The following PEX14 variants were observed in gnomAD, a reference collection of about 807,000 sequenced individuals.
PEX14 encodes the protein peroxisomal biogenesis factor 14.
In PEX14, 15 loss-of-function variants were observed where a neutral mutation model predicts 49.5. The ratio of observed to expected loss-of-function variants is 0.30; its 90% CI spans 0.20 to 0.47. The LOEUF is 0.47. PEX14 is among the 20% of genes least tolerant of loss of function. The probability of loss-of-function intolerance (pLI) is 1.00; values close to 1 mark genes in which losing one functional copy is unlikely to be tolerated. For synonymous variants in PEX14, 210 were observed against 212.7 expected (o/e 0.99, Z 0.11); for missense variants, 398 against 494.8 (o/e 0.80, Z 1.86).
chr1:10,537,401 GC>G (rs1352961357), intron 3 of PEX14, among the ~76,000 whole-genome samples: 1 of 141,386 alleles, frequency 7.1e-6, no homozygotes, highest in East Asian at 2.1e-4. Context: ...GGCTGGCCTC[GC>G]CACTCCGCAA....
chr1:10,486,128 C>T (rs1426815113), intron 1 of PEX14, among the ~76,000 whole-genome samples: 1 of 152,038 alleles, frequency 6.6e-6, no homozygotes, highest in Non-Finnish European at 1.5e-5. Context: ...ATAAAGACAG[C>T]TTTACTTCTT....
rs994349608 is a variant in PEX14 at position 10,568,329 on chromosome 1, C to T, written c.170-30909C>T. Among the ~76,000 whole-genome samples, 46 of 136,300 alleles carry T rather than the reference C, an allele frequency of 3.4e-4. 1 individual carries two copies. Among genetic ancestry groups the T allele is most frequent in the Middle Eastern group, 3.7e-3 (1 of 268 alleles). 89.4% of individuals were successfully genotyped at this position (136,300 alleles called of 152,430 possible). A position where few individuals can be genotyped will look rare whatever the true frequency, so the allele number is the denominator to read the frequency against. ...ATACACAAGTAGATACTCTTCCCCCCCCCCCCCCCACTCCCACTAACAGAT... is the reference window on the plus strand; with the variant it reads ...ATACACAAGTAGATACTCTTCCCCCTCCCCCCCCCACTCCCACTAACAGAT... On this transcript the variant is annotated intron_variant, in intron 3 of 8. Coordinates refer to ENST00000356607, the MANE Select transcript of PEX14 (RefSeq NM_004565.3).
At chr1:10,484,428 C>A (rs1300207843) in intron 1 of PEX14, among the ~76,000 whole-genome samples, 1 of 151,768 alleles carries the variant, frequency 6.6e-6, no homozygotes, top group Non-Finnish European at 1.5e-5. Flanking sequence ...CTGCCTTGGC[C>A]TCCCAATGTG....
At chr1:10,524,970 G>A (rs1476051267) in intron 2 of PEX14, among the ~76,000 whole-genome samples, 1 of 152,204 alleles carries the variant, frequency 6.6e-6, no homozygotes, top group East Asian at 1.9e-4. Context: ...AATTATAGGC[G>A]TGGGCCACCA....
At chr1:10,616,477 C>T (rs1399422900) in intron 4 of PEX14, among the ~76,000 whole-genome samples, 1 of 152,186 alleles carries the variant, frequency 6.6e-6, no homozygotes, top group Non-Finnish European at 1.5e-5. Flanking sequence ...TGCTGATTTT[C>T]CCTCTCCCCC....
intron 2 of PEX14, among the ~76,000 whole-genome samples, chr1:10,534,389 T>A (rs1190045916): frequency 6.6e-6 from 1 of 151,900 alleles, no homozygotes; most frequent in East Asian, 1.9e-4. Context: ...TCTCTCCTTT[T>A]CCCCCTCTCT....
chr1:10,559,276 A>T (rs1160007495), intron 3 of PEX14, among the ~76,000 whole-genome samples: 1 of 152,222 alleles, frequency 6.6e-6, no homozygotes, highest in African/African-American at 2.4e-5. Flanking sequence ...TATAAGAGAC[A>T]TAGCCATGAT....
rs538642865 is a variant in PEX14 at position 10,628,710 on chromosome 1, G to A, written c.678-821G>A. ...AGGATGCTGGTGAATAAAGCAGGCC[G>A]TGGTGTGTGCCCCACTCAAGTGGGG... On this transcript the variant is annotated intron_variant, in intron 8 of 8. Transcript: ENST00000356607. This position sits in a 1 kb window ranked among gnomAD's most constrained non-coding sequence, Gnocchi z 4.5. Among the ~76,000 whole-genome samples the A allele has an allele frequency of 1.5e-3, 229 of 152,364 alleles. 1 individual carries two copies. Among genetic ancestry groups the A allele is most frequent in the African/African-American group, 5.1e-3 (210 of 41,582 alleles).
chr1:10,501,779 G>A (rs1440883946), intron 2 of PEX14, among the ~76,000 whole-genome samples: 2 of 152,144 alleles, frequency 1.3e-5, no homozygotes, highest in Non-Finnish European at 2.9e-5. Flanking sequence ...TTAGCCAGAT[G>A]TGGTGGCGAG....
At chr1:10,610,892 TCTC>T (rs1641261661) in intron 4 of PEX14, among the ~76,000 whole-genome samples, 1 of 152,172 alleles carries the variant, frequency 6.6e-6, no homozygotes, top group African/African-American at 2.4e-5. Context: ...CTCTCTTCTT[TCTC>T]CTCCTTCTTC....
chr1:10,490,620 C>T (rs991837751), intron 1 of PEX14, among the ~76,000 whole-genome samples: 1 of 151,900 alleles, frequency 6.6e-6, no homozygotes, highest in Admixed American at 6.6e-5. Context: ...CCATTCAGGC[C>T]TCTAAGGATC....
chr1:10,477,445 G>A (rs1000985669), intron 1 of PEX14, among the ~76,000 whole-genome samples: 8 of 152,178 alleles, frequency 5.3e-5, no homozygotes, highest in Non-Finnish European at 1.2e-4. Flanking sequence ...ATGAACCAAT[G>A]CTCTTCAGCA....
Position 10,623,034 on chromosome 1 carries a change from C to G in PEX14, c.400C>G (p.Leu134Val), listed in dbSNP as rs140476337. 1,087 of 1,613,472 alleles carry G rather than the reference C, an allele frequency of 6.7e-4. 11 individuals carry two copies. In the South Asian group the frequency reaches 9.2e-3, roughly 14 times the overall value. ...HQLYKKYLLPLILGGREDRKQ... is the reference protein window; with the variant it reads ...HQLYKKYLLPVILGGREDRKQ... Reference sequence around the variant, plus strand: ...CTTCTTGCAGAAATACCTGCTCCCCCTCATCCTGGGCGGCCGAGAGGACAG... The same window carrying G: ...CTTCTTGCAGAAATACCTGCTCCCCGTCATCCTGGGCGGCCGAGAGGACAG... The change falls in exon 6 of 9, where the codon CTC (leucine) becomes GTC (valine). Residue 134 changes from leucine (L) to valine (V), a missense_variant. Coordinates refer to ENST00000356607, the MANE Select transcript of PEX14 (RefSeq NM_004565.3). This position sits in a 1 kb window ranked among gnomAD's most constrained non-coding sequence, Gnocchi z 4.4.
At chr1:10,568,464 ATTAT>A (rs1375855282) in intron 3 of PEX14, among the ~76,000 whole-genome samples, 1 of 151,988 alleles carries the variant, frequency 6.6e-6, no homozygotes, top group Non-Finnish European at 1.5e-5. Flanking sequence ...TAATCATATA[ATTAT>A]TGTCTTTTGA....
Position 10,564,237 on chromosome 1 carries a change from A to G in PEX14, c.169+27940A>G, listed in dbSNP as rs528304724. The stretch of plus-strand genomic sequence containing the variant: ...TCTTCTTTCCTGGACTCCAGTTGTA[A>G]TTGTGTTAGACCTTCTTTCCATGTT... On this transcript the variant is annotated intron_variant, in intron 3 of 8. Coordinates refer to ENST00000356607, the MANE Select transcript of PEX14 (RefSeq NM_004565.3). Among the ~76,000 whole-genome samples, 9 of 151,962 alleles carry G rather than the reference A, an allele frequency of 5.9e-5. No individual in the cohort carries two copies. In the South Asian group the frequency reaches 1.9e-3, roughly 32 times the overall value.
intron 1 of PEX14, among the ~76,000 whole-genome samples, chr1:10,485,504 C>T (rs577121920): frequency 1.3e-4 from 19 of 150,594 alleles, no homozygotes; most frequent in Admixed American, 9.9e-4. Flanking sequence ...ATTTTTGTAG[C>T]GAGGGGGTCT....
chr1:10,560,756 C>T (rs1033573916), intron 3 of PEX14, among the ~76,000 whole-genome samples: 1 of 141,480 alleles, frequency 7.1e-6, no homozygotes. Context: ...CTTGCTCTGT[C>T]GCCCAGGTTG....
intron 1 of PEX14, among the ~76,000 whole-genome samples, chr1:10,489,049 C>A (rs1276875604): frequency 6.6e-6 from 1 of 152,144 alleles, no homozygotes; most frequent in Non-Finnish European, 1.5e-5. Context: ...GGCGCGATCT[C>A]GGCTCACCGC....
In PEX14 at chr1:10,623,000, C is replaced by T. The variant is rs1355559186; in HGVS notation, c.385-19C>T. On this transcript the variant is annotated intron_variant, in intron 5 of 8. Transcript: ENST00000356607. Reference sequence around the variant, plus strand: ...CCCCGGGTCCGTATGCATTCCTCACCCTGTCCCGCTTCTTGCAGAAATACC... The same window carrying T: ...CCCCGGGTCCGTATGCATTCCTCACTCTGTCCCGCTTCTTGCAGAAATACC... 7 of 1,564,666 alleles carry T rather than the reference C, an allele frequency of 4.5e-6. No individual in the cohort carries two copies. The East Asian group carries it at 1.6e-4, about 35-fold the overall frequency.
Sources: allele counts gnomAD v4.1 joint callset (sites outside exome capture counted in the v4.1 genomes callset), GRCh38; gene constraint gnomAD v4.1.1; non-coding constraint Gnocchi (gnomAD v3.1); transcripts MANE v1.5; gene names NCBI Gene and HGNC (gene_info 2026-07-23, HGNC 2026-07-21).